SYT1: variants seen among roughly 807,000 people sequenced by gnomAD.
The protein encoded by SYT1 is synaptotagmin-1.
Under a neutral mutation model 44.8 loss-of-function variants are expected in SYT1, and 8 were observed. That is an observed-to-expected ratio of 0.18 (90% CI 0.10 to 0.32). SYT1 has a LOEUF of 0.32. SYT1 is among the 10% of genes least tolerant of loss of function. SYT1 has a pLI of 1.00. For missense variants in SYT1, 286 were observed against 509.3 expected, an observed-to-expected ratio of 0.56 and a Z score of 4.22; for synonymous variants, 154 against 188.8, an observed-to-expected ratio of 0.82 and a Z score of 1.51.
chr12:79,205,740 T>C (rs1215664292), intron 3 of SYT1, among the ~76,000 whole-genome samples: 1 of 152,166 alleles, frequency 6.6e-6, no homozygotes, highest in African/African-American at 2.4e-5. Context: ...AAGGGGAAAA[T>C]AACATAGCAA....
chr12:79,371,691 A>T (rs1202714212), intron 9 of SYT1, among the ~76,000 whole-genome samples: 1 of 152,242 alleles, frequency 6.6e-6, no homozygotes, highest in East Asian at 1.9e-4. Context: ...TCCTGGTGGG[A>T]AGACACTCAC....
chr12:79,241,253 C>T (rs1245803), intron 4 of SYT1, among the ~76,000 whole-genome samples: 105,935 of 151,512 alleles, frequency 0.7, 37,456 homozygotes, highest in African/African-American at 0.76. Context: ...GAATGATTTG[C>T]ACTGGCAACT....
At chr12:78,948,864 G>T (rs1303246156) in intron 1 of SYT1, among the ~76,000 whole-genome samples, 1 of 151,558 alleles carries the variant, frequency 6.6e-6, no homozygotes, top group Non-Finnish European at 1.5e-5. Flanking sequence ...ATAAATTTGT[G>T]ACAACTCCAG....
At chr12:79,241,067 G>A (rs1028412111) in intron 4 of SYT1, among the ~76,000 whole-genome samples, 1 of 152,116 alleles carries the variant, frequency 6.6e-6, no homozygotes, top group Non-Finnish European at 1.5e-5. Flanking sequence ...CAGCTACTTA[G>A]GAGACTGAGG....
At chr12:79,136,051 T>C (rs1869170476) in intron 3 of SYT1, among the ~76,000 whole-genome samples, 1 of 152,220 alleles carries the variant, frequency 6.6e-6, no homozygotes, top group Non-Finnish European at 1.5e-5. Flanking sequence ...AGGAGTTGGG[T>C]TGAGTTCAGC....
At chr12:79,194,615 C>T (rs1358249) in intron 3 of SYT1, among the ~76,000 whole-genome samples, 117,248 of 151,930 alleles carry the variant, frequency 0.77, 46,361 homozygotes, top group African/African-American at 0.95. Context: ...GTGATGCCAA[C>T]GCTGCTGGTC....
At chr12:78,912,409 G>T (rs918050692) in intron 1 of SYT1, among the ~76,000 whole-genome samples, 6 of 152,068 alleles carry the variant, frequency 3.9e-5, no homozygotes, top group Admixed American at 3.9e-4. Flanking sequence ...GGACAGGTAT[G>T]ATAGATACTT....
intron 3 of SYT1, among the ~76,000 whole-genome samples, chr12:79,141,370 G>A (rs563805811): frequency 3.0e-4 from 45 of 151,892 alleles, no homozygotes; most frequent in Admixed American, 1.2e-3. Context: ...CAAATAATGC[G>A]TATTTGTATC....
intron 9 of SYT1, among the ~76,000 whole-genome samples, chr12:79,362,939 T>C (rs1168575661): frequency 6.6e-6 from 1 of 152,138 alleles, no homozygotes; most frequent in Non-Finnish European, 1.5e-5. Context: ...TAAGTGTAGG[T>C]CTGTTTTGTG....
intron 4 of SYT1, among the ~76,000 whole-genome samples, chr12:79,269,037 G>C (rs1337190619): frequency 6.6e-6 from 1 of 151,712 alleles, no homozygotes. Context: ...TCAGAACGTA[G>C]CTCCTCCATG....
In SYT1 at chr12:79,148,550, A is replaced by G. The variant is rs1870068812; in HGVS notation, c.-17-68953A>G. 2.0e-5 allele frequency among the ~76,000 whole-genome samples: 3 copies of G among 152,234 alleles called. No individual in the cohort carries two copies. In the East Asian group the frequency reaches 5.8e-4, roughly 29 times the overall value. The stretch of plus-strand genomic sequence containing the variant: ...TATGGAGATGGCACAATTTCACAAA[A>G]ATAAAGAGTATTGTAATGCTCTTAC... On this transcript the variant is annotated intron_variant, in intron 3 of 10. Coordinates refer to ENST00000261205, the MANE Select transcript of SYT1 (RefSeq NM_005639.3).
intron 1 of SYT1, among the ~76,000 whole-genome samples, chr12:78,956,968 T>C (rs1879247590): frequency 6.6e-6 from 1 of 151,828 alleles, no homozygotes; most frequent in Admixed American, 6.6e-5. Flanking sequence ...CACAGCAGAG[T>C]GAATATGGAC....
intron 3 of SYT1, among the ~76,000 whole-genome samples, chr12:79,215,269 C>T (rs1353683868): frequency 6.6e-6 from 1 of 152,038 alleles, no homozygotes; most frequent in Non-Finnish European, 1.5e-5. Context: ...GTAGTCTGTT[C>T]CATTGATCCA....
At chr12:79,293,743 G>A (rs1879748890) in intron 6 of SYT1, among the ~76,000 whole-genome samples, 1 of 152,160 alleles carries the variant, frequency 6.6e-6, no homozygotes, top group South Asian at 2.1e-4. Flanking sequence ...CCTCATGAAG[G>A]ATGTACAAAT....
intron 1 of SYT1, among the ~76,000 whole-genome samples, chr12:78,889,237 A>T (rs761287182): frequency 6.6e-6 from 1 of 151,910 alleles, no homozygotes; most frequent in Non-Finnish European, 1.5e-5. Flanking sequence ...TTTCTCTGAA[A>T]TTTTATACAA....
chr12:79,424,388 T>G (rs1205944322), intron 9 of SYT1, among the ~76,000 whole-genome samples: 1 of 152,148 alleles, frequency 6.6e-6, no homozygotes, highest in Non-Finnish European at 1.5e-5. Context: ...GTGTGCTGTG[T>G]GTGGATTTGT....
At chr12:79,015,325 A>G (rs1264299060) in intron 2 of SYT1, among the ~76,000 whole-genome samples, 3 of 152,186 alleles carry the variant, frequency 2.0e-5, no homozygotes, top group Non-Finnish European at 2.9e-5. Flanking sequence ...TGCTGCATAG[A>G]CTGGACTCCA....
intron 9 of SYT1, among the ~76,000 whole-genome samples, chr12:79,403,254 G>A (rs1885132358): frequency 6.6e-6 from 1 of 152,106 alleles, no homozygotes; most frequent in Non-Finnish European, 1.5e-5. Context: ...ATAGTGAGGG[G>A]GTCAGGGGAA....
chr12:79,117,508 G>C (rs945441073), intron 3 of SYT1, among the ~76,000 whole-genome samples: 3 of 150,898 alleles, frequency 2.0e-5, no homozygotes, highest in Non-Finnish European at 4.4e-5. Context: ...ATGTGAGCAT[G>C]GGTGTGCTCA....
Sources: allele counts gnomAD v4.1 joint callset (sites outside exome capture counted in the v4.1 genomes callset), GRCh38; gene constraint gnomAD v4.1.1; transcripts MANE v1.5; gene names NCBI Gene and HGNC (gene_info 2026-07-23, HGNC 2026-07-21).